Variants in EML1 observed in about 807,000 individuals in gnomAD.
EML1 encodes the protein EMAP like 1.
In EML1, 27 loss-of-function variants were observed where a neutral mutation model predicts 110.4. The observed-to-expected ratio is 0.24, with a 90% CI of 0.18 to 0.34. The LOEUF (loss-of-function observed/expected upper bound fraction) is 0.34, where lower values mean the gene tolerates loss of function less well. EML1 is among the 10% of genes least tolerant of loss of function. EML1 has a pLI of 1.00. For synonymous variants in EML1, 344 were observed against 385.8 expected, an observed-to-expected ratio of 0.89 and a Z score of 1.27; for missense variants, 741 against 1,030.9, an observed-to-expected ratio of 0.72 and a Z score of 3.85.
At chr14:99,862,130 T>C (rs1230682569) in intron 2 of EML1, among the ~76,000 whole-genome samples, 1 of 152,210 alleles carries the variant, frequency 6.6e-6, no homozygotes, top group African/African-American at 2.4e-5. Flanking sequence ...GAATACCTGT[T>C]AGAGGGTTCA....
intron 4 of EML1, among the ~76,000 whole-genome samples, chr14:99,885,548 A>G (rs1390482109): frequency 6.6e-6 from 1 of 152,218 alleles, no homozygotes; most frequent in Non-Finnish European, 1.5e-5. Flanking sequence ...AAACAGCACC[A>G]CCTATGGGTA....
intron 1 of EML1, among the ~76,000 whole-genome samples, chr14:99,823,327 C>T (rs775991848): frequency 7.2e-5 from 11 of 151,936 alleles, no homozygotes; most frequent in Non-Finnish European, 1.0e-4. Context: ...TTGCCCTGGC[C>T]GCACTGTGGC....
chr14:99,771,287 C>G (rs563530495), upstream of EML1, among the ~76,000 whole-genome samples: 1 of 152,308 alleles, frequency 6.6e-6, no homozygotes, highest in African/African-American at 2.4e-5. Flanking sequence ...CTTCCTGTCT[C>G]TATGGTTTTG....
At chr14:99,876,492 C>T (rs2059294360) in intron 3 of EML1, among the ~76,000 whole-genome samples, 1 of 152,168 alleles carries the variant, frequency 6.6e-6, no homozygotes, top group Non-Finnish European at 1.5e-5. Flanking sequence ...TCGCTGCTAC[C>T]TCTGACTCCT....
At chr14:99,895,477 C>G (rs2059657028) in intron 6 of EML1, among the ~76,000 whole-genome samples, 1 of 152,070 alleles carries the variant, frequency 6.6e-6, no homozygotes, top group South Asian at 2.1e-4. Flanking sequence ...AGTGACAATG[C>G]AAGAAAATAT....
At position 99,911,502 on chromosome 14, in the gene EML1, C is replaced by G. The variant is rs772605923; in HGVS notation, c.1420C>G (p.Leu474Val). ...ACTTTGTATGTTAAGAGATGGCACA[C>G]TGGTGTCGGGAGGTGGGAAAGACCG... Reference protein sequence around the residue: ...FALCMLRDGTLVSGGGKDRKL... With the variant: ...FALCMLRDGTVVSGGGKDRKL... The change falls in exon 13 of 22, where the codon CTG becomes GTG. Residue 474 changes from leucine (L) to valine (V), a missense_variant. Physicochemically the swap from Leu to Val is conservative, Grantham distance 32. Transcript: ENST00000262233. The G allele has an allele frequency of 1.5e-5, 25 of 1,612,910 alleles. No homozygotes were observed. Among genetic ancestry groups the G allele is most frequent in the Middle Eastern group, 3.3e-4 (2 of 6,084 alleles).
At chr14:99,740,605 G>T (rs971203066) in intron 1 of EML1, among the ~76,000 whole-genome samples, 13 of 152,176 alleles carry the variant, frequency 8.5e-5, no homozygotes, top group Admixed American at 2.0e-4. Context: ...AGTCAGCACC[G>T]TATTTATAGC....
intron 1 of EML1, among the ~76,000 whole-genome samples, chr14:99,767,385 T>C (rs1165796157): frequency 6.6e-6 from 1 of 152,166 alleles, no homozygotes; most frequent in Admixed American, 6.5e-5. Context: ...GGGCAGATCA[T>C]AAGGTCAGGA....
Position 99,939,907 on chromosome 14 carries a change from A to T in EML1, c.2323-80A>T, listed in dbSNP as rs1190214391. 4.1e-6 allele frequency: 6 copies of T among 1,446,706 alleles called. No individual in the cohort carries two copies. The East Asian group carries it at 1.5e-4, about 36-fold the overall frequency. The allele number at this position is 1,446,706 out of a possible 1,614,324, so 89.6% of individuals were successfully genotyped here. ...GGCGAGTAAAGGAATTAAGGCATGC[A>T]GTGAGAATTCAAGCACTTTCCCATC... On this transcript the variant is annotated intron_variant, in intron 21 of 21. Transcript: ENST00000262233. This position sits in a 1 kb window ranked among gnomAD's most constrained non-coding sequence, Gnocchi z 4.2.
intron 1 of EML1, among the ~76,000 whole-genome samples, chr14:99,779,693 T>G (rs2057519456): frequency 6.6e-6 from 1 of 152,264 alleles, no homozygotes; most frequent in Non-Finnish European, 1.5e-5. Context: ...AGCAGACCCC[T>G]GGCTGCCAAT....
chr14:99,923,697 AGTAGTGT>A (rs1566940298), intron 17 of EML1, among the ~76,000 whole-genome samples: 1 of 152,242 alleles, frequency 6.6e-6, no homozygotes, highest in African/African-American at 2.4e-5. Context: ...TTTCAAATTG[AGTAGTGT>A]CACTGCTGCA....
At chr14:99,912,288 A>G (rs967845655) in intron 13 of EML1, among the ~76,000 whole-genome samples, 13 of 152,186 alleles carry the variant, frequency 8.5e-5, no homozygotes, top group African/African-American at 1.9e-4. Flanking sequence ...CTAAGTGCCA[A>G]TGTGCTCCCT....
chr14:99,783,964 G>A (rs2057571541), intron 1 of EML1, among the ~76,000 whole-genome samples: 1 of 152,254 alleles, frequency 6.6e-6, no homozygotes, highest in Non-Finnish European at 1.5e-5. Context: ...AAATGCCCTG[G>A]AAATCCTGTT....
At chr14:99,908,077 C>T (rs1249097520) in intron 10 of EML1, among the ~76,000 whole-genome samples, 1 of 152,226 alleles carries the variant, frequency 6.6e-6, no homozygotes, top group Non-Finnish European at 1.5e-5. Flanking sequence ...ACGTGGAGGC[C>T]CGGAAATGTG....
Position 99,895,892 on chromosome 14 carries a change from A to G in EML1, c.677+1134A>G, listed in dbSNP as rs142893006. On this transcript the variant is annotated intron_variant, in intron 6 of 21. Coordinates refer to ENST00000262233, the MANE Select transcript of EML1 (RefSeq NM_004434.3). ...TGGCAAGTCCCTGTCTCAAAAATACATATATTCATATCAATCAAAAAGGCT... is the reference window on the plus strand; with the variant it reads ...TGGCAAGTCCCTGTCTCAAAAATACGTATATTCATATCAATCAAAAAGGCT... Among the ~76,000 whole-genome samples, 57 of 152,214 alleles carry G rather than the reference A, an allele frequency of 3.7e-4. 1 individual carries two copies. In the East Asian group the frequency reaches 8.3e-3, roughly 22 times the overall value.
chr14:99,898,945 TACA>T (rs1046924405), intron 8 of EML1, among the ~76,000 whole-genome samples: 5 of 152,204 alleles, frequency 3.3e-5, no homozygotes, highest in African/African-American at 1.2e-4. Context: ...AATTTGAATG[TACA>T]ACATTTTGCC....
chr14:99,742,349 G>A (rs896188997), intron 1 of EML1, among the ~76,000 whole-genome samples: 1 of 152,206 alleles, frequency 6.6e-6, no homozygotes, highest in South Asian at 2.1e-4. Context: ...TCATCCCTTG[G>A]GGATAGGGAG....
At chr14:99,917,727 T>A in intron 15 of EML1, 55 bp from the exon 16 acceptor site, 1 of 1,576,338 alleles carries the variant, frequency 6.3e-7, no homozygotes, top group Non-Finnish European at 8.7e-7. Context: ...GTGTGTGTTT[T>A]ATGCTATAGT....
In EML1 at chr14:99,833,898, G is replaced by A. The variant is rs145932582; in HGVS notation, c.68-16955G>A. On this transcript the variant is annotated intron_variant, in intron 1 of 21. Coordinates refer to ENST00000262233, the MANE Select transcript of EML1 (RefSeq NM_004434.3). ...CAGTAACTTCTTTGTGTATTCCTTC[G>A]ATTTTCTAGTTGGACAGCCATGTCA... Among the ~76,000 whole-genome samples, 671 of 152,144 alleles carry A rather than the reference G, an allele frequency of 4.4e-3. 4 individuals are homozygous for A. The highest frequency in any genetic ancestry group is 7.8e-3 in the Non-Finnish European group (533 of 67,980).
Sources: gnomAD v4.1 joint callset for allele counts (sites outside exome capture counted in the v4.1 genomes callset) on GRCh38, gnomAD v4.1.1 for gene constraint, Gnocchi (gnomAD v3.1) non-coding constraint, MANE v1.5 for transcripts, NCBI Gene and HGNC (gene_info 2026-07-23, HGNC 2026-07-21) for gene names.